STPG1: variants seen among roughly 807,000 people sequenced by gnomAD.
STPG1 encodes sperm tail PG-rich repeat containing 1, also known as O(6)-methylguanine-induced apoptosis 2.
Under a neutral mutation model 40.1 loss-of-function variants are expected in STPG1, and 33 were observed. That is an observed-to-expected ratio of 0.82 (90% CI 0.62 to 1.10). The LOEUF (loss-of-function observed/expected upper bound fraction) is 1.10, where lower values mean the gene tolerates loss of function less well. Among genes scored for constraint, STPG1 ranks in the 50% least tolerant of loss-of-function variants. The pLI is 0.00. For missense variants in STPG1, 396 were observed against 415.1 expected (o/e 0.95, Z 0.40); for synonymous variants, 150 against 155.0 (o/e 0.97, Z 0.24).
intron 1 of STPG1, chr1:24,412,030 A>G (rs184970996): frequency 1.1e-4 from 17 of 152,248 alleles, no homozygotes; most frequent in African/African-American, 4.1e-4. Context: ...TCTCTTCCAC[A>G]TTGGTGATTT....
In STPG1 at chr1:24,371,676, T is replaced by C. The variant is rs184489592; in HGVS notation, c.572-1837A>G. Among the ~76,000 whole-genome samples, 553 of 152,224 alleles carry C rather than the reference T, an allele frequency of 3.6e-3. 3 individuals carry two copies. The highest frequency in any genetic ancestry group is 5.6e-3 in the Non-Finnish European group (384 of 68,020). On this transcript the variant is annotated intron_variant, in intron 6 of 8. Coordinates refer to ENST00000337248, the MANE Select transcript of STPG1 (RefSeq NM_001199013.2). ...CAGCATTTACAATACTGGATAACTA[T>C]CTCTCATATTCTCTGTTTTGTATAT...
chr1:24,400,015 C>T (rs191068407), intron 2 of STPG1, among the ~76,000 whole-genome samples: 2 of 152,338 alleles, frequency 1.3e-5, no homozygotes, highest in South Asian at 2.1e-4. Context: ...AGCAGTTCCA[C>T]TCCTCAGGTA....
At position 24,392,866 on chromosome 1, in the gene STPG1, A is replaced by AAC. The variant is rs397979657; in HGVS notation, c.71-1188_71-1187insGT. 2.6e-5 allele frequency among the ~76,000 whole-genome samples: 4 copies of AAC among 151,658 alleles called. 1 individual carries two copies. The highest frequency in any genetic ancestry group is 2.6e-4 in the Admixed American group (4 of 15,218). On this transcript the variant is annotated intron_variant, in intron 2 of 8. Coordinates refer to ENST00000337248, the MANE Select transcript of STPG1 (RefSeq NM_001199013.2). ...TACGCGCAGAAATGGGGGAAAAAAA[A>AAC]CAGTCAAGAGAAGGAAAGAAGAAAG...
intron 1 of STPG1, among the ~76,000 whole-genome samples, chr1:24,402,475 A>G (rs1643262211): frequency 6.6e-6 from 1 of 152,158 alleles, no homozygotes; most frequent in African/African-American, 2.4e-5. Flanking sequence ...AAACAAAAAA[A>G]TTGGGGACAG....
At chr1:24,365,431 G>A (rs540608937) in intron 7 of STPG1, among the ~76,000 whole-genome samples, 14 of 152,182 alleles carry the variant, frequency 9.2e-5, no homozygotes, top group Non-Finnish European at 1.6e-4. Flanking sequence ...TCACTGTGAC[G>A]GATATTGAAG....
chr1:24,383,442 A>G (rs1031594955), intron 4 of STPG1, among the ~76,000 whole-genome samples: 8 of 152,210 alleles, frequency 5.3e-5, no homozygotes. Flanking sequence ...TATCTTACGA[A>G]GAGAAGGAAA....
In STPG1 at chr1:24,401,455, A is replaced by G. The variant is rs1283798262; in HGVS notation, c.-67T>C. 10 of 1,363,068 alleles carry G rather than the reference A, an allele frequency of 7.3e-6. No individual in the cohort carries two copies. The Admixed American group carries it at 1.5e-4, about 21-fold the overall frequency. 84.4% of individuals were successfully genotyped at this position (1,363,068 alleles called of 1,614,324 possible). A position where few individuals can be genotyped will look rare whatever the true frequency, so the allele number is the denominator to read the frequency against. ...AGTTCTACTGCATGTTCTCCTAAGC[A>G]CCTGAAACAGCAAAACACAGCATTT... On this transcript the variant is annotated splice_region_variant and 5_prime_UTR_variant, in exon 2 of 9. Transcript: ENST00000337248.
intron 7 of STPG1, among the ~76,000 whole-genome samples, chr1:24,365,635 G>A (rs1035393926): frequency 3.3e-5 from 5 of 152,330 alleles, no homozygotes; most frequent in African/African-American, 1.2e-4. Context: ...TCCGCCCTGC[G>A]GGGCCACACT....
intron 2 of STPG1, among the ~76,000 whole-genome samples, chr1:24,393,874 G>A (rs1487965600): frequency 2.0e-5 from 3 of 152,224 alleles, no homozygotes; most frequent in Non-Finnish European, 2.9e-5. Context: ...TTTCTGCCAG[G>A]AGAAAATCTC....
intron 1 of STPG1, among the ~76,000 whole-genome samples, chr1:24,412,517 AG>A (rs1643740375): frequency 6.6e-6 from 1 of 152,170 alleles, no homozygotes; most frequent in African/African-American, 2.4e-5. Context: ...GATCTTCCCC[AG>A]TAGAAAGTTC....
At chr1:24,372,034 C>A (rs994335931) in intron 6 of STPG1, among the ~76,000 whole-genome samples, 3 of 152,092 alleles carry the variant, frequency 2.0e-5, no homozygotes, top group Non-Finnish European at 4.4e-5. Context: ...AAAAGTTAGC[C>A]GGGCGTGGCG....
At chr1:24,370,412 G>A (rs145609976) in intron 6 of STPG1, among the ~76,000 whole-genome samples, 3 of 149,512 alleles carry the variant, frequency 2.0e-5, no homozygotes, top group Middle Eastern at 3.5e-3. Context: ...GCCTTGACCT[G>A]CTGGGCTCAG....
At chr1:24,383,125 C>T (rs1348017435) in intron 4 of STPG1, among the ~76,000 whole-genome samples, 1 of 152,002 alleles carries the variant, frequency 6.6e-6, no homozygotes, top group Non-Finnish European at 1.5e-5. Context: ...GTTGCCCGAG[C>T]TGGTCTTGAA....
Position 24,379,812 on chromosome 1 carries a change from C to T in STPG1, c.303G>A (p.Leu101=), listed in dbSNP as rs1642203680. ...CAGGGTATTTAGAAATGATGGTGTC[C>T]AATCGGGCGCACTGTAAGGAGACAA... The part of the protein sequence containing the change: ...TCMFPSMCAR[L]DTIISKYPAA... The change falls in exon 5 of 9, where the codon TTG becomes TTA. Residue 101 remains leucine (L), a synonymous_variant. Coordinates refer to ENST00000337248, the MANE Select transcript of STPG1 (RefSeq NM_001199013.2). 1.2e-6 allele frequency: 2 copies of T among 1,613,868 alleles called. No homozygotes were observed. Among genetic ancestry groups the T allele is most frequent in the Non-Finnish European group, 8.5e-7 (1 of 1,179,792 alleles).
chr1:24,406,357 C>T (rs963953380), intron 1 of STPG1, among the ~76,000 whole-genome samples: 1 of 152,018 alleles, frequency 6.6e-6, no homozygotes, highest in African/African-American at 2.4e-5. Context: ...CTTTTGTATA[C>T]ATTTTATTTC....
intron 1 of STPG1, among the ~76,000 whole-genome samples, chr1:24,403,617 A>G (rs888172619): frequency 6.6e-6 from 1 of 152,054 alleles, no homozygotes; most frequent in East Asian, 1.9e-4. Context: ...ATTTATTTTG[A>G]TATTATTTAA....
At chr1:24,393,233 A>G (rs534931356) in intron 2 of STPG1, among the ~76,000 whole-genome samples, 1 of 152,324 alleles carries the variant, frequency 6.6e-6, no homozygotes, top group Non-Finnish European at 1.5e-5. Flanking sequence ...GGGGAGAGGG[A>G]CACTGAAGCC....
intron 6 of STPG1, among the ~76,000 whole-genome samples, chr1:24,372,413 G>A (rs534792506): frequency 7.9e-5 from 12 of 152,292 alleles, no homozygotes; most frequent in African/African-American, 2.6e-4. Flanking sequence ...ACAGATGCTA[G>A]TACCCACACT....
intron 7 of STPG1, among the ~76,000 whole-genome samples, chr1:24,367,126 C>T (rs1461108823): frequency 2.0e-5 from 3 of 152,216 alleles, no homozygotes; most frequent in Non-Finnish European, 4.4e-5. Context: ...GGCCACCTAA[C>T]CCGGCATTTT....
Sources: gnomAD v4.1 joint callset for allele counts (sites outside exome capture counted in the v4.1 genomes callset) on GRCh38, gnomAD v4.1.1 for gene constraint, MANE v1.5 for transcripts, NCBI Gene and HGNC (gene_info 2026-07-23, HGNC 2026-07-21) for gene names.